CNTLN: variants seen among roughly 807,000 people sequenced by gnomAD.
The protein encoded by CNTLN is centlein.
In CNTLN, 212 loss-of-function variants were observed where a neutral mutation model predicts 180.0. The observed-to-expected ratio is 1.18, with a 90% confidence interval of 1.05 to 1.32. The LOEUF is 1.32. Among genes scored for constraint, CNTLN ranks in the 40% most tolerant of loss-of-function variants. The probability of loss-of-function intolerance (pLI) is 0.00; values close to 1 mark genes in which losing one functional copy is unlikely to be tolerated. For synonymous variants in CNTLN, 722 were observed against 563.1 expected (o/e 1.28, Z -3.99); for missense variants, 2,095 against 1,610.9 (o/e 1.30, Z -5.14).
the CNTLN span, among the ~76,000 whole-genome samples, chr9:17,510,365 A>C: frequency 4.6e-5 from 7 of 152,222 alleles, no homozygotes; most frequent in African/African-American, 1.7e-4. Flanking sequence ...TTTGAAATGA[A>C]TATGTTTGTG....
intron 5 of CNTLN, among the ~76,000 whole-genome samples, chr9:17,253,939 G>C (rs1278337497): frequency 6.6e-6 from 1 of 151,410 alleles, no homozygotes; most frequent in African/African-American, 2.4e-5. Context: ...TTATTATTTG[G>C]AGGCATGTTC....
chr9:17,366,654 C>A lies in CNTLN; in HGVS notation c.1924C>A (p.His642Asn). The change falls in exon 13 of 26, where the codon CAT becomes AAT. Residue 642 changes from histidine (H) to asparagine (N), a missense_variant. Coordinates refer to ENST00000380647, the MANE Select transcript of CNTLN (RefSeq NM_017738.4). The stretch of plus-strand genomic sequence containing the variant: ...AGAAGAATTAGATGAACTTAAAGTA[C>A]ATATATCTATTGATAAGGCAGCAAT... ...LEEELDELKV[H>N]ISIDKAAIQE... The A allele has an allele frequency of 6.3e-7, 1 of 1,581,322 alleles. No homozygotes were observed. The highest frequency in any genetic ancestry group is 8.6e-7 in the Non-Finnish European group (1 of 1,156,798).
intron 2 of CNTLN, among the ~76,000 whole-genome samples, chr9:17,205,809 A>G (rs771971768): frequency 6.6e-6 from 1 of 152,218 alleles, no homozygotes; most frequent in Non-Finnish European, 1.5e-5. Context: ...ACTGTTTTCC[A>G]TGTTGATGCT....
chr9:17,513,102 G>A, the CNTLN span, among the ~76,000 whole-genome samples: 2 of 151,946 alleles, frequency 1.3e-5, no homozygotes, highest in African/African-American at 4.8e-5. Flanking sequence ...TACAGGCCAC[G>A]GTGCCCGGCC....
chr9:17,148,145 C>T (rs756417243), intron 2 of CNTLN, among the ~76,000 whole-genome samples: 14 of 152,280 alleles, frequency 9.2e-5, no homozygotes, highest in South Asian at 2.1e-4. Flanking sequence ...TATCAACACA[C>T]GGACAATCTT....
chr9:17,416,656 A>G (rs1382102477), intron 18 of CNTLN, among the ~76,000 whole-genome samples: 1 of 152,130 alleles, frequency 6.6e-6, no homozygotes, highest in Non-Finnish European at 1.5e-5. Context: ...TATCTATTTT[A>G]ATGTATTCCA....
At chr9:17,248,475 G>T (rs1825935073) in intron 5 of CNTLN, among the ~76,000 whole-genome samples, 1 of 149,914 alleles carries the variant, frequency 6.7e-6, no homozygotes, top group Non-Finnish European at 1.5e-5. Flanking sequence ...CTAGCTATTT[G>T]TCCATTTTAT....
At chr9:17,441,312 TCAC>T (rs1830094095) in intron 18 of CNTLN, among the ~76,000 whole-genome samples, 1 of 152,158 alleles carries the variant, frequency 6.6e-6, no homozygotes, top group Non-Finnish European at 1.5e-5. Flanking sequence ...TGGTGTGTAA[TCAC>T]TTTTTATTCT....
intron 13 of CNTLN, among the ~76,000 whole-genome samples, chr9:17,375,452 A>G (rs1009411339): frequency 1.3e-5 from 2 of 152,202 alleles, no homozygotes; most frequent in African/African-American, 2.4e-5. Flanking sequence ...ATTTACCCTG[A>G]TATGATTATT....
chr9:17,390,798 G>C (rs999921248), intron 14 of CNTLN, among the ~76,000 whole-genome samples: 1 of 152,088 alleles, frequency 6.6e-6, no homozygotes, highest in Admixed American at 6.6e-5. Context: ...TAGAAGTAGT[G>C]TCTCTGTTTT....
chr9:17,353,330 G>A (rs1423782846), intron 12 of CNTLN, among the ~76,000 whole-genome samples: 2 of 90,894 alleles, frequency 2.2e-5, no homozygotes, highest in African/African-American at 8.0e-5. Flanking sequence ...ATTTTATATT[G>A]TTTGCCGTCT....
At chr9:17,427,236 G>C (rs1029340246) in intron 18 of CNTLN, among the ~76,000 whole-genome samples, 2 of 151,524 alleles carry the variant, frequency 1.3e-5, no homozygotes, top group Non-Finnish European at 2.9e-5. Context: ...TCTGCTGCTG[G>C]CTGCTCTCTA....
chr9:17,302,089 TACACACACACAC>T (rs35043839), intron 7 of CNTLN: 14 of 927,876 alleles, frequency 1.5e-5, no homozygotes, highest in South Asian at 1.0e-4. Context: ...CACATATGTG[TACACACACACAC>T]ACACACACAC....
Position 17,308,203 on chromosome 9 carries a change from T to C in CNTLN, c.1147-855T>C, listed in dbSNP as rs146969121. On this transcript the variant is annotated intron_variant, in intron 7 of 25. Transcript: ENST00000380647. ...ATTACTGTCTGTATGATAGCACTTA[T>C]ATGTCATGTTATCTCATAGTTTTAA... Among the ~76,000 whole-genome samples, 109 of 151,942 alleles carry C rather than the reference T, an allele frequency of 7.2e-4. 2 individuals are homozygous for C. In the East Asian group the frequency reaches 0.015, roughly 21 times the overall value.
At chr9:17,483,047 A>T (rs1398074765) in intron 23 of CNTLN, among the ~76,000 whole-genome samples, 2 of 152,170 alleles carry the variant, frequency 1.3e-5, no homozygotes, top group African/African-American at 2.4e-5. Context: ...ATACAAAATT[A>T]AAAATATTTT....
intron 1 of CNTLN, among the ~76,000 whole-genome samples, chr9:17,140,330 C>CAGCAGG (rs2131412855): frequency 6.6e-6 from 1 of 152,206 alleles, no homozygotes; most frequent in Non-Finnish European, 1.5e-5. Flanking sequence ...ACTTACTGTA[C>CAGCAGG]AGCATGGTGT....
At chr9:17,338,337 G>GTGTTTTTT (rs1554691994) in intron 10 of CNTLN, among the ~76,000 whole-genome samples, 1 of 100,436 alleles carries the variant, frequency 1.0e-5, no homozygotes, top group African/African-American at 3.9e-5. Context: ...GCTAATTTTT[G>GTGTTTTTT]TTTTTTTTTT....
rs113338378 is a variant in CNTLN, at chr9:17,267,263, G to T, written c.850-6470G>T. ...TGACAAAATCTCTCAGCATTTGTTT[G>T]TCTGTAAAGTATTTTATTTCTCCTT... is the stretch of plus-strand genomic sequence containing the variant. On this transcript the variant is annotated intron_variant, in intron 5 of 25. Coordinates refer to ENST00000380647, the MANE Select transcript of CNTLN (RefSeq NM_017738.4). 7.2e-5 allele frequency among the ~76,000 whole-genome samples: 11 copies of T among 152,210 alleles called. 1 individual carries two copies. The highest frequency in any genetic ancestry group is 2.6e-4 in the African/African-American group (11 of 41,516).
intron 2 of CNTLN, among the ~76,000 whole-genome samples, chr9:17,199,515 G>A (rs1822379272): frequency 6.6e-6 from 1 of 152,076 alleles, no homozygotes; most frequent in African/African-American, 2.4e-5. Flanking sequence ...CCAGCTTCCT[G>A]ACTTTTTAAT....
Sources: allele counts gnomAD v4.1 joint callset (sites outside exome capture counted in the v4.1 genomes callset), GRCh38; gene constraint gnomAD v4.1.1; transcripts MANE v1.5; gene names NCBI Gene and HGNC (gene_info 2026-07-23, HGNC 2026-07-21).